Variants in ANXA8 observed in about 807,000 individuals in gnomAD.
ANXA8 encodes the protein annexin A8.
Under a neutral mutation model 26.8 loss-of-function variants are expected in ANXA8, and 9 were observed. That is an observed-to-expected ratio of 0.34 (90% confidence interval 0.20 to 0.59). The LOEUF is 0.59. Ranked by LOEUF, ANXA8 falls within the 20% of genes least tolerant of loss-of-function variation. ANXA8 has a pLI of 0.84. For synonymous variants in ANXA8, 39 were observed against 94.8 expected (o/e 0.41, Z 3.42); for missense variants, 83 against 238.5 (o/e 0.35, Z 4.29).
chr10:47,596,664 A>G, the ANXA8 span, among the ~76,000 whole-genome samples: 1 of 142,876 alleles, frequency 7.0e-6, no homozygotes, highest in East Asian at 2.0e-4. Flanking sequence ...GCACAACTAG[A>G]TAACCTAGAA....
chr10:47,949,309 A>G, the ANXA8 span, among the ~76,000 whole-genome samples: 1 of 149,144 alleles, frequency 6.7e-6, no homozygotes, highest in African/African-American at 2.5e-5. Flanking sequence ...ATGATCTAGC[A>G]ATAAAGATAT....
the ANXA8 span, among the ~76,000 whole-genome samples, chr10:47,679,970 C>T: frequency 7.2e-5 from 11 of 151,856 alleles, no homozygotes; most frequent in South Asian, 4.1e-4. Flanking sequence ...TTCTGGTGTT[C>T]GGTTTTTTGT....
the ANXA8 span, among the ~76,000 whole-genome samples, chr10:47,639,925 G>GC: frequency 6.8e-6 from 1 of 146,300 alleles, no homozygotes; most frequent in Non-Finnish European, 1.5e-5. Context: ...CTACAGGTGA[G>GC]CACCACCATG....
At chr10:47,510,829 C>CAAAA in the ANXA8 span, among the ~76,000 whole-genome samples, 3 of 27,118 alleles carry the variant, frequency 1.1e-4, no homozygotes, top group African/African-American at 1.8e-4. Flanking sequence ...GACTCCGTCT[C>CAAAA]AAAAAAAAAA....
chr10:47,691,206 T>C, the ANXA8 span: 38 of 1,502,436 alleles, frequency 2.5e-5, no homozygotes, highest in Non-Finnish European at 3.3e-5. Flanking sequence ...ACAGTGTTTC[T>C]TGGAGATATA....
chr10:47,947,404 A>C, the ANXA8 span, among the ~76,000 whole-genome samples: 1 of 142,356 alleles, frequency 7.0e-6, no homozygotes, highest in African/African-American at 2.7e-5. Context: ...TGGAAACTTA[A>C]TCCCCAATGC....
the ANXA8 span, among the ~76,000 whole-genome samples, chr10:47,686,225 CTTT>C: frequency 5.7e-5 from 7 of 122,932 alleles, no homozygotes; most frequent in African/African-American, 1.5e-4. Context: ...GCTCCTATCA[CTTT>C]TTTTTTTTTT....
the ANXA8 span, among the ~76,000 whole-genome samples, chr10:47,941,029 A>G: frequency 7.0e-6 from 1 of 143,130 alleles, no homozygotes; most frequent in Non-Finnish European, 1.5e-5. Context: ...TCTTGGGCAC[A>G]GTACTTTATC....
chr10:47,673,158 C>A, the ANXA8 span, among the ~76,000 whole-genome samples: 2 of 151,628 alleles, frequency 1.3e-5, no homozygotes, highest in Non-Finnish European at 1.5e-5. Flanking sequence ...AGCAAGTATG[C>A]ACCCACACTC....
chr10:47,567,595 A>G, the ANXA8 span, among the ~76,000 whole-genome samples: 42 of 151,982 alleles, frequency 2.8e-4, 1 homozygote, highest in African/African-American at 8.5e-4. Context: ...TCCTTTCAGC[A>G]AAAGTCCTGT....
the ANXA8 span, among the ~76,000 whole-genome samples, chr10:47,951,492 A>T: frequency 1.2e-4 from 18 of 150,082 alleles, no homozygotes; most frequent in Admixed American, 1.2e-3. Context: ...ACAAGAAAAA[A>T]ATCTTATAGG....
At chr10:47,595,194 GTCTT>G in the ANXA8 span, among the ~76,000 whole-genome samples, 1 of 148,512 alleles carries the variant, frequency 6.7e-6, no homozygotes, top group Non-Finnish European at 1.5e-5. Context: ...GAGAGATTGA[GTCTT>G]TCTGAGTCAA....
At chr10:47,959,381 G>T in the ANXA8 span, among the ~76,000 whole-genome samples, 1 of 148,720 alleles carries the variant, frequency 6.7e-6, no homozygotes, top group Non-Finnish European at 1.5e-5. Context: ...TAATAATAAA[G>T]AGAGCCCCCC....
At chr10:47,918,356 GGA>G in the ANXA8 span, among the ~76,000 whole-genome samples, 59 of 17,740 alleles carry the variant, frequency 3.3e-3, 7 homozygotes, top group African/African-American at 0.016. Context: ...GGGGAGGGAG[GGA>G]GAGAGAGAGA....
chr10:47,776,651 A>G, the ANXA8 span, among the ~76,000 whole-genome samples: 3 of 151,896 alleles, frequency 2.0e-5, no homozygotes, highest in African/African-American at 7.3e-5. Flanking sequence ...ATCCTGAACA[A>G]TCTCTGGCCA....
chr10:47,599,967 A>G, the ANXA8 span: 54 of 149,864 alleles, frequency 3.6e-4, 1 homozygote, highest in Non-Finnish European at 6.8e-4. Context: ...ATATTTGTAC[A>G]GATTATGGTA....
rs1324941414 is a variant in ANXA8 at position 47,470,020 on chromosome 10, G to A, written c.925-1114C>T. Among the ~76,000 whole-genome samples the A allele has an allele frequency of 1.1e-3, 171 of 151,348 alleles. 1 individual carries two copies. The highest frequency in any genetic ancestry group is 3.3e-3 in the South Asian group (16 of 4,812). On this transcript the variant is annotated intron_variant, in intron 11 of 11. Coordinates refer to ENST00000585281, the MANE Select transcript of ANXA8 (RefSeq NM_001040084.3). ...TGGCCTCCCAAAGCACTGGGATTAC[G>A]GGTGTGGGCCACTACGCCTGGTGAT...
At chr10:47,594,967 C>T in the ANXA8 span, among the ~76,000 whole-genome samples, 1 of 149,484 alleles carries the variant, frequency 6.7e-6, no homozygotes, top group Non-Finnish European at 1.5e-5. Context: ...AGTCGTTAGA[C>T]TATCCAAGGT....
chr10:47,533,185 TCACACACACACACACA>T, the ANXA8 span, among the ~76,000 whole-genome samples: 3 of 102,394 alleles, frequency 2.9e-5, no homozygotes, highest in South Asian at 3.6e-4. Context: ...TAAACACACA[TCACACACACACACACA>T]CACACACACA....
Sources: allele counts gnomAD v4.1 joint callset (sites outside exome capture counted in the v4.1 genomes callset), GRCh38; gene constraint gnomAD v4.1.1; transcripts MANE v1.5; gene names NCBI Gene and HGNC (gene_info 2026-07-23, HGNC 2026-07-21).